Variants in RALGPS1 observed in about 807,000 individuals in gnomAD.
The protein encoded by RALGPS1 is Ral GEF with PH domain and SH3 binding motif 1.
A neutral mutation model predicts 78.8 loss-of-function variants in RALGPS1; 19 were observed. That is an observed-to-expected ratio of 0.24 (90% CI 0.17 to 0.35). The LOEUF (loss-of-function observed/expected upper bound fraction) is 0.35, where lower values mean the gene tolerates loss of function less well. Ranked by LOEUF, RALGPS1 falls within the 10% of genes least tolerant of loss-of-function variation. The pLI is 1.00. For missense variants in RALGPS1, 454 were observed against 688.3 expected, an observed-to-expected ratio of 0.66 and a Z score of 3.81; for synonymous variants, 228 against 256.3, an observed-to-expected ratio of 0.89 and a Z score of 1.06.
intron 4 of RALGPS1, chr9:126,990,246 C>G: frequency 4.0e-6 from 2 of 501,300 alleles, no homozygotes; most frequent in Non-Finnish European, 7.1e-6. Context: ...TTTTCTCAGA[C>G]CATCTCTCTC....
At chr9:127,166,864 T>C (rs1226520904) in intron 9 of RALGPS1, among the ~76,000 whole-genome samples, 1 of 152,068 alleles carries the variant, frequency 6.6e-6, no homozygotes, top group East Asian at 1.9e-4. Context: ...TTGGAGATGA[T>C]GTCAGAATGC....
chr9:126,950,153 G>A (rs1252230428), intron 1 of RALGPS1, among the ~76,000 whole-genome samples: 1 of 152,166 alleles, frequency 6.6e-6, no homozygotes, highest in African/African-American at 2.4e-5. Context: ...TGAGGGCTCT[G>A]TTCTGTTCCA....
At chr9:127,136,852 C>T (rs1370116966) in intron 8 of RALGPS1, among the ~76,000 whole-genome samples, 1 of 152,292 alleles carries the variant, frequency 6.6e-6, no homozygotes, top group African/African-American at 2.4e-5. Flanking sequence ...CCTCTGACCG[C>T]ATGGAGTCAG....
rs529133743 is a variant in RALGPS1, at chr9:127,151,041, G to A, written c.611-15028G>A. On this transcript the variant is annotated intron_variant, in intron 8 of 18. Transcript: ENST00000259351. Reference sequence around the variant, plus strand: ...TACTACAATACAAAAAAAATTAGCTGGGTATGGTGGCACACGCCTGTAGTC... The same window carrying A: ...TACTACAATACAAAAAAAATTAGCTAGGTATGGTGGCACACGCCTGTAGTC... Among the ~76,000 whole-genome samples, 3 of 152,228 alleles carry A rather than the reference G, an allele frequency of 2.0e-5. No homozygotes were observed. In the East Asian group the frequency reaches 5.8e-4, roughly 29 times the overall value.
At chr9:126,950,754 A>G (rs1266154235) in intron 1 of RALGPS1, among the ~76,000 whole-genome samples, 17 of 152,014 alleles carry the variant, frequency 1.1e-4, no homozygotes, top group Non-Finnish European at 2.4e-4. Flanking sequence ...CAATTAAAAG[A>G]ACTAGAAAAG....
intron 4 of RALGPS1, among the ~76,000 whole-genome samples, chr9:127,032,356 C>T (rs1000249830): frequency 9.8e-5 from 14 of 142,544 alleles, no homozygotes; most frequent in African/African-American, 3.7e-4. Flanking sequence ...TAAATTCACT[C>T]ATGCACATGT....
chr9:127,131,636 C>T (rs915354978), intron 8 of RALGPS1, among the ~76,000 whole-genome samples: 12 of 152,186 alleles, frequency 7.9e-5, no homozygotes, highest in Non-Finnish European at 1.3e-4. Flanking sequence ...CTGTTTGACC[C>T]GGAGTCCACA....
rs1564495128 is a variant in RALGPS1 at position 127,054,995 on chromosome 9, T to TAGAG, written c.483+2056_483+2057insAGAG. On this transcript the variant is annotated intron_variant, in intron 7 of 18. Coordinates refer to ENST00000259351, the MANE Select transcript of RALGPS1 (RefSeq NM_014636.3). Reference sequence around the variant, plus strand: ...TCTCTGAAAAAGAGAGAGAGATTGATTGAGAGAGAGAGAGAGAGAGAGAGA... The same window carrying TAGAG: ...TCTCTGAAAAAGAGAGAGAGATTGATAGAGTGAGAGAGAGAGAGAGAGAGAGAGA... Among the ~76,000 whole-genome samples, 37 of 66,172 alleles carry TAGAG rather than the reference T, an allele frequency of 5.6e-4. No individual in the cohort carries two copies. The Admixed American group carries it at 5.7e-3, about 10-fold the overall frequency. 43.4% of individuals were successfully genotyped at this position (66,172 alleles called of 152,430 possible).
At chr9:126,952,891 G>A (rs992199235) in intron 1 of RALGPS1, among the ~76,000 whole-genome samples, 1 of 152,114 alleles carries the variant, frequency 6.6e-6, no homozygotes. Context: ...AGAGCTGCAC[G>A]TCCACACTGC....
intron 8 of RALGPS1, among the ~76,000 whole-genome samples, chr9:127,152,698 A>G (rs896579341): frequency 2.0e-5 from 3 of 152,222 alleles, no homozygotes; most frequent in Admixed American, 2.0e-4. Flanking sequence ...CTGTCTGTCC[A>G]TAAGTCTTAG....
chr9:127,001,602 CG>C (rs562117288), intron 4 of RALGPS1, among the ~76,000 whole-genome samples: 11 of 152,032 alleles, frequency 7.2e-5, no homozygotes, highest in Non-Finnish European at 1.3e-4. Flanking sequence ...ATGCAATAAT[CG>C]GGCTGGGCGC....
At chr9:126,940,642 C>T (rs1419089742) in intron 1 of RALGPS1, among the ~76,000 whole-genome samples, 1 of 151,948 alleles carries the variant, frequency 6.6e-6, no homozygotes, top group Non-Finnish European at 1.5e-5. Context: ...GGGGTTTTGT[C>T]GTGTTAGCCA....
intron 4 of RALGPS1, among the ~76,000 whole-genome samples, chr9:127,005,273 A>T (rs954734926): frequency 1.3e-5 from 2 of 152,244 alleles, no homozygotes; most frequent in African/African-American, 2.4e-5. Context: ...AAGAATTGTT[A>T]TACTGCAAAC....
At chr9:127,196,678 C>G (rs759609225) in intron 13 of RALGPS1, 47 bp downstream of exon 13, 1 of 1,523,370 alleles carries the variant, frequency 6.6e-7, no homozygotes, top group South Asian at 1.3e-5. Context: ...GCTGTAGGCC[C>G]AGCGTGTGCT....
In RALGPS1 at chr9:127,174,793, T is replaced by C; in HGVS notation, c.910+11T>C. 1 of 1,613,366 alleles carries C rather than the reference T, an allele frequency of 6.2e-7. No individual in the cohort carries two copies. ...AGGAAGATCTTGCAGGTATCGTAGC[T>C]ACCTCGAGTGGGAGCAAACCCACTT... On this transcript the variant is annotated intron_variant, in intron 11 of 18. Transcript: ENST00000259351.
chr9:127,121,458 G>C (rs1464788045), intron 8 of RALGPS1, among the ~76,000 whole-genome samples: 3 of 152,240 alleles, frequency 2.0e-5, no homozygotes, highest in African/African-American at 7.2e-5. Flanking sequence ...GAAAGGAGAT[G>C]CTTTTCCAAG....
At chr9:127,015,769 C>T (rs1056335413) in intron 4 of RALGPS1, among the ~76,000 whole-genome samples, 24 of 152,028 alleles carry the variant, frequency 1.6e-4, no homozygotes, top group African/African-American at 5.3e-4. Flanking sequence ...TTCATGTATA[C>T]CACCCATTTG....
At chr9:127,096,390 C>T (rs944213134) in intron 8 of RALGPS1, among the ~76,000 whole-genome samples, 3 of 152,214 alleles carry the variant, frequency 2.0e-5, no homozygotes, top group Non-Finnish European at 4.4e-5. Context: ...ACGGAAGATC[C>T]GGCAGAAGCC....
At chr9:126,939,498 C>T (rs1368230557) in intron 1 of RALGPS1, among the ~76,000 whole-genome samples, 1 of 152,204 alleles carries the variant, frequency 6.6e-6, no homozygotes, top group African/African-American at 2.4e-5. Context: ...AGCACTTAGA[C>T]GAGTGCTTGG....
Sources: allele counts gnomAD v4.1 joint callset (sites outside exome capture counted in the v4.1 genomes callset), GRCh38; gene constraint gnomAD v4.1.1; transcripts MANE v1.5; gene names NCBI Gene and HGNC (gene_info 2026-07-23, HGNC 2026-07-21).